GRM7: variants seen among roughly 807,000 people sequenced by gnomAD.
GRM7 encodes the protein metabotropic glutamate receptor 7.
In GRM7, 35 loss-of-function variants were observed where a neutral mutation model predicts 84.5. The ratio of observed to expected loss-of-function variants is 0.41; its 90% CI spans 0.32 to 0.55. The LOEUF is 0.55. Among genes scored for constraint, GRM7 ranks in the 20% least tolerant of loss-of-function variants. The pLI, the probability that GRM7 is intolerant of heterozygous loss-of-function variation, is 0.19. For synonymous variants in GRM7, 487 were observed against 455.1 expected (o/e 1.07, Z -0.89); for missense variants, 1,003 against 1,194.6 (o/e 0.84, Z 2.36).
At chr3:7,103,772 T>TTC (rs1699194500) in intron 1 of GRM7, among the ~76,000 whole-genome samples, 1 of 101,440 alleles carries the variant, frequency 9.9e-6, no homozygotes, top group African/African-American at 6.2e-5. Flanking sequence ...CTTTCTTTCT[T>TTC]TCTTTCTTTC....
intron 2 of GRM7, among the ~76,000 whole-genome samples, chr3:7,236,081 AG>A (rs1407588003): frequency 6.6e-6 from 1 of 152,138 alleles, no homozygotes; most frequent in Non-Finnish European, 1.5e-5. Flanking sequence ...ATGTGGTAGA[AG>A]GGGTGAGGGG....
At position 7,740,442 on chromosome 3, in the gene GRM7, C is replaced by T; in HGVS notation, c.*36C>T. The T allele has an allele frequency of 4.0e-6, 5 of 1,244,608 alleles. No homozygotes were observed. Among genetic ancestry groups the T allele is most frequent in the Non-Finnish European group, 4.6e-6 (4 of 875,442 alleles). 77.1% of individuals were successfully genotyped at this position (1,244,608 alleles called of 1,614,324 possible). ...TCCATGGAACCATGGAGGAGGAAGA[C>T]CCTCAGTTATTTTGTCACCCAACCT... On this transcript the variant is annotated 3_prime_UTR_variant, in exon 10 of 10. Transcript: ENST00000357716.
chr3:7,208,416 T>G (rs1696309645), intron 2 of GRM7, among the ~76,000 whole-genome samples: 1 of 152,172 alleles, frequency 6.6e-6, no homozygotes, highest in Non-Finnish European at 1.5e-5. Context: ...TGCTGGTGCG[T>G]GACCTTAGTC....
chr3:7,414,877 C>T, intron 4 of GRM7, 146 bp from the exon 5 acceptor site: 2 of 569,308 alleles, frequency 3.5e-6, no homozygotes, highest in East Asian at 3.0e-5. Context: ...ATTTTTCCTC[C>T]TTCTGTTAAT....
chr3:7,562,835 G>T (rs1185885186), intron 7 of GRM7, among the ~76,000 whole-genome samples: 1 of 152,110 alleles, frequency 6.6e-6, no homozygotes, highest in Non-Finnish European at 1.5e-5. Flanking sequence ...CTCCCCTGAT[G>T]TGTCTGTATT....
At chr3:7,739,839 C>T (rs917578253) in intron 9 of GRM7, among the ~76,000 whole-genome samples, 2 of 152,130 alleles carry the variant, frequency 1.3e-5, no homozygotes, top group African/African-American at 4.8e-5. Context: ...CTGCAAATGA[C>T]CATTTATAAC....
chr3:7,654,536 A>T (rs956385623), intron 8 of GRM7, among the ~76,000 whole-genome samples: 3 of 152,176 alleles, frequency 2.0e-5, no homozygotes, highest in African/African-American at 7.2e-5. Context: ...CATAAAGAAC[A>T]CTTCTATTTT....
chr3:7,720,442 G>T (rs1291879055), intron 9 of GRM7, among the ~76,000 whole-genome samples: 2 of 152,124 alleles, frequency 1.3e-5, no homozygotes, highest in Admixed American at 1.3e-4. Context: ...TTCAAAGCGT[G>T]TCCTGCACTG....
In GRM7 at chr3:6,863,854, G is replaced by A. The variant is rs1694847867; in HGVS notation, c.519+1947G>A. On this transcript the variant is annotated intron_variant, in intron 1 of 9. Transcript: ENST00000357716. The surrounding 1 kb of genome is among the most constrained non-coding windows in gnomAD (Gnocchi z 4.8). Reference sequence around the variant, plus strand: ...CTTCACTCACCCTGGGCAGTACTGCGGATCAGCCTGTCTCTGTCTGAAAAA... The same window carrying A: ...CTTCACTCACCCTGGGCAGTACTGCAGATCAGCCTGTCTCTGTCTGAAAAA... Among the ~76,000 whole-genome samples the A allele has an allele frequency of 2.0e-5, 3 of 152,102 alleles. No homozygotes were observed. Among genetic ancestry groups the A allele is most frequent in the Non-Finnish European group, 4.4e-5 (3 of 68,012 alleles).
At chr3:7,227,262 A>G (rs1289516447) in intron 2 of GRM7, among the ~76,000 whole-genome samples, 3 of 152,178 alleles carry the variant, frequency 2.0e-5, no homozygotes, top group African/African-American at 4.8e-5. Context: ...AAATTGCAAG[A>G]AGTTCATAGT....
chr3:7,595,839 G>A (rs1037783758), intron 8 of GRM7, among the ~76,000 whole-genome samples: 2 of 152,212 alleles, frequency 1.3e-5, no homozygotes, highest in East Asian at 1.9e-4. Flanking sequence ...GAGTCCAGGA[G>A]GGGGCAGGAT....
chr3:7,205,048 G>A (rs1490161679), intron 2 of GRM7, among the ~76,000 whole-genome samples: 1 of 152,186 alleles, frequency 6.6e-6, no homozygotes, highest in Non-Finnish European at 1.5e-5. Context: ...CAGTGTGGAA[G>A]AATGACTGTG....
intron 1 of GRM7, among the ~76,000 whole-genome samples, chr3:6,970,870 T>C (rs1693725586): frequency 6.6e-6 from 1 of 152,126 alleles, no homozygotes; most frequent in Non-Finnish European, 1.5e-5. Flanking sequence ...TAGTCCCAGC[T>C]ACTCGGGAGG....
intron 4 of GRM7, among the ~76,000 whole-genome samples, chr3:7,369,068 C>CT (rs941017848): frequency 2.0e-5 from 3 of 151,910 alleles, no homozygotes; most frequent in Non-Finnish European, 4.4e-5. Flanking sequence ...CTTTCTTTAT[C>CT]TTTTTTAAGA....
chr3:7,546,248 C>T (rs1693143024), intron 7 of GRM7, among the ~76,000 whole-genome samples: 1 of 152,192 alleles, frequency 6.6e-6, no homozygotes, highest in African/African-American at 2.4e-5. Flanking sequence ...CCTAGAGTCA[C>T]CATCTGCATT....
intron 8 of GRM7, among the ~76,000 whole-genome samples, chr3:7,647,889 C>G (rs1295188495): frequency 2.6e-5 from 4 of 152,118 alleles, no homozygotes; most frequent in Non-Finnish European, 4.4e-5. Flanking sequence ...AAAAAGTGCC[C>G]AAGTCTACTT....
chr3:7,600,491 G>A (rs1696260108), intron 8 of GRM7, among the ~76,000 whole-genome samples: 1 of 152,088 alleles, frequency 6.6e-6, no homozygotes, highest in African/African-American at 2.4e-5. Flanking sequence ...AGTTATGCCT[G>A]TGCTGTTGAA....
chr3:7,285,847 A>C (rs1699413493), intron 2 of GRM7, among the ~76,000 whole-genome samples: 1 of 151,906 alleles, frequency 6.6e-6, no homozygotes, highest in Non-Finnish European at 1.5e-5. Flanking sequence ...CTTCTAATTT[A>C]TCTCTTAATT....
chr3:7,670,849 C>T (rs1255547511), intron 8 of GRM7, among the ~76,000 whole-genome samples: 1 of 152,150 alleles, frequency 6.6e-6, no homozygotes, highest in Non-Finnish European at 1.5e-5. Flanking sequence ...TAGCTTCCTA[C>T]AAAAAGGCTA....
Sources: gnomAD v4.1 joint callset for allele counts (sites outside exome capture counted in the v4.1 genomes callset) on GRCh38, gnomAD v4.1.1 for gene constraint, Gnocchi (gnomAD v3.1) non-coding constraint, MANE v1.5 for transcripts, NCBI Gene and HGNC (gene_info 2026-07-23, HGNC 2026-07-21) for gene names.